The following EGFLAM variants were observed in gnomAD, a reference collection of about 807,000 sequenced individuals.
EGFLAM encodes EGF like, fibronectin type III and laminin G domains, also known as pikachurin.
EGFLAM carries 79 observed loss-of-function variants against 113.1 expected under a neutral mutation model. The ratio of observed to expected loss-of-function variants is 0.70; its 90% confidence interval spans 0.58 to 0.84. The LOEUF (loss-of-function observed/expected upper bound fraction) is 0.84. Among genes scored for constraint, EGFLAM ranks in the 40% least tolerant of loss-of-function variants. EGFLAM has a pLI of 0.00. For missense variants in EGFLAM, 1,265 were observed against 1,291.6 expected (o/e 0.98, Z 0.32); for synonymous variants, 504 against 487.6 (o/e 1.03, Z -0.44).
intron 12 of EGFLAM, among the ~76,000 whole-genome samples, chr5:38,421,394 G>A (rs916137918): frequency 6.6e-6 from 1 of 152,166 alleles, no homozygotes. Context: ...TCCCATCTTG[G>A]ATATCCCCAC....
chr5:38,275,548 A>G (rs901245153), intron 1 of EGFLAM, among the ~76,000 whole-genome samples: 2 of 152,360 alleles, frequency 1.3e-5, no homozygotes, highest in Admixed American at 1.3e-4. Context: ...TATACCCAAC[A>G]TCAGAGTACA....
At chr5:38,364,350 G>C (rs1229124728) in intron 5 of EGFLAM, among the ~76,000 whole-genome samples, 1 of 152,156 alleles carries the variant, frequency 6.6e-6, no homozygotes, top group Non-Finnish European at 1.5e-5. Flanking sequence ...AGGAAAGAAG[G>C]CTTCTTATGG....
At chr5:38,333,822 A>G (rs1041454226) in intron 1 of EGFLAM, among the ~76,000 whole-genome samples, 2 of 146,388 alleles carry the variant, frequency 1.4e-5, no homozygotes, top group African/African-American at 2.6e-5. Context: ...CCATTTGTCA[A>G]TTTTTGCTTT....
intron 6 of EGFLAM, among the ~76,000 whole-genome samples, chr5:38,381,361 A>C (rs552426461): frequency 5.3e-5 from 8 of 152,334 alleles, no homozygotes; most frequent in African/African-American, 1.9e-4. Context: ...AGCTTAACAC[A>C]GACACATAGG....
chr5:38,266,510 G>A lies in EGFLAM; in HGVS notation c.97+7659G>A, dbSNP rs1757639089. On this transcript the variant is annotated intron_variant, in intron 1 of 21. Coordinates refer to ENST00000322350, the MANE Select transcript of EGFLAM (RefSeq NM_152403.4). ...CTGGACAAGGAAGAAAAACCTGAAAGAATTTCTATATTTCCAGGCATCAGA... is the reference window on the plus strand; with the variant it reads ...CTGGACAAGGAAGAAAAACCTGAAAAAATTTCTATATTTCCAGGCATCAGA... 2.6e-5 allele frequency among the ~76,000 whole-genome samples: 4 copies of A among 152,266 alleles called. No homozygotes were observed. In the South Asian group the frequency reaches 8.3e-4, roughly 32 times the overall value.
intron 15 of EGFLAM, among the ~76,000 whole-genome samples, chr5:38,434,617 T>C (rs1259294370): frequency 6.6e-6 from 1 of 152,206 alleles, no homozygotes; most frequent in African/African-American, 2.4e-5. Flanking sequence ...ATGATACATA[T>C]CCACCAATGG....
At chr5:38,453,173 G>T (rs1742977016) in intron 19 of EGFLAM, among the ~76,000 whole-genome samples, 1 of 152,172 alleles carries the variant, frequency 6.6e-6, no homozygotes, top group Admixed American at 6.5e-5. Flanking sequence ...TGTGGTAACC[G>T]CTTCCCCAGA....
intron 1 of EGFLAM, among the ~76,000 whole-genome samples, chr5:38,263,106 T>G (rs895055362): frequency 1.3e-5 from 2 of 151,910 alleles, no homozygotes; most frequent in African/African-American, 2.4e-5. Flanking sequence ...TTTAAAAAAT[T>G]TATTTATTTG....
At position 38,456,374 on chromosome 5, in the gene EGFLAM, C is replaced by A. The variant is rs151110360; in HGVS notation, c.2688-1937C>A. Among the ~76,000 whole-genome samples the A allele has an allele frequency of 5.4e-4, 82 of 152,224 alleles. 2 individuals carry two copies. In the East Asian group the frequency reaches 7.5e-3, roughly 14 times the overall value. On this transcript the variant is annotated intron_variant, in intron 19 of 21. Transcript: ENST00000322350. ...TATCACCCCACGCTGCCTCTCAGAA[C>A]GGCCATAGATAGTAATTCAGCTAAG...
intron 1 of EGFLAM, among the ~76,000 whole-genome samples, chr5:38,325,400 G>A (rs952002045): frequency 6.6e-6 from 1 of 152,196 alleles, no homozygotes; most frequent in Non-Finnish European, 1.5e-5. Flanking sequence ...TTGGGGAGAA[G>A]AGTAGTAACC....
rs188184116 is a variant in EGFLAM, at chr5:38,305,287, C to T, written c.98-32233C>T. On this transcript the variant is annotated intron_variant, in intron 1 of 21. Coordinates refer to ENST00000322350, the MANE Select transcript of EGFLAM (RefSeq NM_152403.4). ...AATGGCTTTGGACTTACCATCAATACTGGCAGCAAGAAGATTGCAGGGCAA... is the reference window on the plus strand; with the variant it reads ...AATGGCTTTGGACTTACCATCAATATTGGCAGCAAGAAGATTGCAGGGCAA... 2.2e-5 allele frequency: 5 copies of T among 232,140 alleles called. No homozygotes were observed. The East Asian group carries it at 5.8e-4, about 27-fold the overall frequency. 14.4% of individuals were successfully genotyped at this position (232,140 alleles called of 1,614,324 possible).
chr5:38,263,680 C>T (rs979143619), intron 1 of EGFLAM, among the ~76,000 whole-genome samples: 8 of 151,966 alleles, frequency 5.3e-5, no homozygotes, highest in African/African-American at 4.8e-5. Context: ...TTAAATGGCT[C>T]GTGCTGTTTT....
chr5:38,462,880 T>C, intron 20 of EGFLAM, 28 bp from the exon 21 acceptor site: 2 of 1,612,934 alleles, frequency 1.2e-6, no homozygotes, highest in Middle Eastern at 1.7e-4. Flanking sequence ...CCAGGCTTTT[T>C]GTTCTTTTTT....
intron 1 of EGFLAM, chr5:38,285,592 C>T (rs1175129478): frequency 6.6e-6 from 1 of 152,212 alleles, no homozygotes; most frequent in African/African-American, 2.4e-5. Context: ...TTGGTCTACT[C>T]AGGAAGTAAC....
chr5:38,409,641 A>C (rs1184094627), intron 10 of EGFLAM, among the ~76,000 whole-genome samples: 2 of 152,080 alleles, frequency 1.3e-5, no homozygotes, highest in South Asian at 2.1e-4. Flanking sequence ...TTTTCTCTGG[A>C]GCTCTAGTGG....
chr5:38,274,210 G>A (rs7724224), intron 1 of EGFLAM, among the ~76,000 whole-genome samples: 62,759 of 151,754 alleles, frequency 0.41, 13,476 homozygotes, highest in Middle Eastern at 0.58. Context: ...ATGGGATAGC[G>A]TCGAAACAGC....
chr5:38,448,252 G>A, intron 17 of EGFLAM, 49 bp from the exon 18 acceptor site: 1 of 1,600,796 alleles, frequency 6.2e-7, no homozygotes, highest in Non-Finnish European at 8.6e-7. Context: ...GAGTGCAGGG[G>A]TCAAGAGAAC....
chr5:38,330,689 A>G (rs1232014960), intron 1 of EGFLAM, among the ~76,000 whole-genome samples: 1 of 152,100 alleles, frequency 6.6e-6, no homozygotes, highest in East Asian at 1.9e-4. Flanking sequence ...ATCACTTGCA[A>G]TTTTTCCCAG....
At chr5:38,345,692 A>C (rs1739456658) in intron 3 of EGFLAM, 1 of 152,218 alleles carries the variant, frequency 6.6e-6, no homozygotes, top group Non-Finnish European at 1.5e-5. Context: ...GTAGAAATGA[A>C]GTGCAGGAGA....
Sources: allele counts gnomAD v4.1 joint callset (sites outside exome capture counted in the v4.1 genomes callset), GRCh38; gene constraint gnomAD v4.1.1; transcripts MANE v1.5; gene names NCBI Gene and HGNC (gene_info 2026-07-23, HGNC 2026-07-21).